The following PTPRD variants were observed in gnomAD, a reference collection of about 807,000 sequenced individuals.
PTPRD encodes the protein receptor-type tyrosine-protein phosphatase delta.
Under a neutral mutation model 214.5 loss-of-function variants are expected in PTPRD, and 34 were observed. The ratio of observed to expected loss-of-function variants is 0.16; its 90% confidence interval spans 0.12 to 0.21. PTPRD has a LOEUF of 0.21. Among genes scored for constraint, PTPRD ranks in the 10% least tolerant of loss-of-function variants. The pLI is 1.00. For synonymous variants in PTPRD, 1,128 were observed against 845.7 expected, an observed-to-expected ratio of 1.33 and a Z score of -5.79; for missense variants, 2,545 against 2,398.7, an observed-to-expected ratio of 1.06 and a Z score of -1.27.
intron 11 of PTPRD, among the ~76,000 whole-genome samples, chr9:8,855,007 G>T (rs373866097): frequency 6.6e-6 from 1 of 152,116 alleles, no homozygotes; most frequent in East Asian, 1.9e-4. Context: ...AAATCATAGT[G>T]CCAGAGAAGC....
At chr9:9,066,634 C>T (rs2099734898) in intron 10 of PTPRD, among the ~76,000 whole-genome samples, 1 of 151,952 alleles carries the variant, frequency 6.6e-6, no homozygotes, top group South Asian at 2.1e-4. Context: ...TGAGTGGACC[C>T]TAAATGTGAT....
At chr9:9,131,825 T>C (rs2154474895) in intron 10 of PTPRD, among the ~76,000 whole-genome samples, 1 of 152,346 alleles carries the variant, frequency 6.6e-6, no homozygotes, top group South Asian at 2.1e-4. Flanking sequence ...GTGGTTCATG[T>C]AGTAAAATAT....
intron 5 of PTPRD, among the ~76,000 whole-genome samples, chr9:9,897,440 CT>C (rs1245441761): frequency 6.6e-6 from 1 of 151,842 alleles, no homozygotes; most frequent in African/African-American, 2.4e-5. Flanking sequence ...AAGTTGAACT[CT>C]ACAGTAAATC....
At chr9:9,450,619 A>G (rs2091877034) in intron 8 of PTPRD, among the ~76,000 whole-genome samples, 1 of 151,942 alleles carries the variant, frequency 6.6e-6, no homozygotes, top group South Asian at 2.1e-4. Flanking sequence ...TTCAGTAAAT[A>G]TAGCATGCCT....
At chr9:8,560,590 T>TG (rs2085826581) in intron 14 of PTPRD, among the ~76,000 whole-genome samples, 1 of 152,152 alleles carries the variant, frequency 6.6e-6, no homozygotes, top group African/African-American at 2.4e-5. Context: ...GCAGAGGAGC[T>TG]GAACAAAGTC....
chr9:9,493,977 A>G (rs2096053732), intron 8 of PTPRD, among the ~76,000 whole-genome samples: 2 of 152,148 alleles, frequency 1.3e-5, no homozygotes, highest in Non-Finnish European at 2.9e-5. Flanking sequence ...AGGCCAAAAT[A>G]TCAACCGTAA....
chr9:9,162,934 T>G (rs1308851209), intron 10 of PTPRD, among the ~76,000 whole-genome samples: 1 of 152,142 alleles, frequency 6.6e-6, no homozygotes, highest in Non-Finnish European at 1.5e-5. Flanking sequence ...TTGGGAACAT[T>G]TGATACTGTT....
intron 9 of PTPRD, among the ~76,000 whole-genome samples, chr9:9,301,301 G>C (rs771712364): frequency 2.0e-5 from 3 of 151,828 alleles, no homozygotes; most frequent in Non-Finnish European, 4.4e-5. Context: ...TTTTTAGCCA[G>C]AGACTGTGCC....
At chr9:9,722,533 G>C (rs762780524) in intron 7 of PTPRD, among the ~76,000 whole-genome samples, 11 of 151,810 alleles carry the variant, frequency 7.2e-5, no homozygotes, top group Non-Finnish European at 1.5e-4. Context: ...CGGAATTTGG[G>C]GGCAAGTTTT....
chr9:10,420,253 A>G (rs1193442033), intron 2 of PTPRD, among the ~76,000 whole-genome samples: 1 of 151,832 alleles, frequency 6.6e-6, no homozygotes, highest in East Asian at 2.0e-4. Flanking sequence ...CATTGAGTTT[A>G]CTCTGAGAAT....
At chr9:10,077,865 G>A (rs2098160428) in intron 3 of PTPRD, among the ~76,000 whole-genome samples, 2 of 151,484 alleles carry the variant, frequency 1.3e-5, no homozygotes, top group African/African-American at 2.4e-5. Flanking sequence ...CAGTGGAATC[G>A]GCATTTTTAA....
intron 3 of PTPRD, among the ~76,000 whole-genome samples, chr9:10,332,773 AAG>A (rs1381546986): frequency 6.6e-6 from 1 of 151,738 alleles, no homozygotes; most frequent in Non-Finnish European, 1.5e-5. Context: ...AGTCCGGTGA[AAG>A]AGTCTGTCTT....
intron 12 of PTPRD, among the ~76,000 whole-genome samples, chr9:8,682,570 C>G (rs1444478207): frequency 6.6e-6 from 1 of 152,012 alleles, no homozygotes; most frequent in African/African-American, 2.4e-5. Context: ...TAATTAACAC[C>G]CTTTTTTCCC....
rs549555364 is a variant in PTPRD, at chr9:8,657,110, G to C, written c.65-20266C>G. On this transcript the variant is annotated intron_variant, in intron 12 of 45. Transcript: ENST00000381196. ...TGCAGAGCTTTTCTTTCATATGTTT[G>C]TTGGTCACATGTATGTCTTCTTTTG... 3.4e-4 allele frequency among the ~76,000 whole-genome samples: 51 copies of C among 150,406 alleles called. No individual in the cohort carries two copies. The South Asian group carries it at 0.011, about 32-fold the overall frequency.
intron 33 of PTPRD, among the ~76,000 whole-genome samples, chr9:8,454,911 A>C (rs970636963): frequency 7.9e-5 from 12 of 151,906 alleles, no homozygotes; most frequent in African/African-American, 2.9e-4. Flanking sequence ...ATATCCCAGG[A>C]AGTGTTCGAC....
chr9:10,336,596 T>TA (rs2096847639), intron 3 of PTPRD, among the ~76,000 whole-genome samples: 1 of 151,612 alleles, frequency 6.6e-6, no homozygotes, highest in South Asian at 2.1e-4. Context: ...CCACTCATGA[T>TA]AAAATCTCCA....
intron 10 of PTPRD, among the ~76,000 whole-genome samples, chr9:9,020,198 T>A (rs1166147293): frequency 6.6e-6 from 1 of 152,208 alleles, no homozygotes; most frequent in African/African-American, 2.4e-5. Context: ...CAGTATATTA[T>A]ATGATAATTA....
At chr9:9,241,627 T>C (rs1023457047) in intron 9 of PTPRD, among the ~76,000 whole-genome samples, 13 of 152,086 alleles carry the variant, frequency 8.5e-5, no homozygotes, top group African/African-American at 3.1e-4. Flanking sequence ...TTGATCTTTG[T>C]TGGTTTAAAG....
At chr9:9,376,602 A>G (rs1159896063) in intron 9 of PTPRD, among the ~76,000 whole-genome samples, 4 of 152,152 alleles carry the variant, frequency 2.6e-5, no homozygotes, top group African/African-American at 9.7e-5. Context: ...CATTTCCTAA[A>G]CACTGAAGAG....
Sources: allele counts gnomAD v4.1 joint callset (sites outside exome capture counted in the v4.1 genomes callset), GRCh38; gene constraint gnomAD v4.1.1; transcripts MANE v1.5; gene names NCBI Gene and HGNC (gene_info 2026-07-23, HGNC 2026-07-21).